The following TRPM3 variants were observed in gnomAD, a reference collection of about 807,000 sequenced individuals.
The protein encoded by TRPM3 is long transient receptor potential channel 3.
TRPM3 carries 77 observed loss-of-function variants against 181.2 expected under a neutral mutation model. The ratio of observed to expected loss-of-function variants is 0.42; its 90% CI spans 0.35 to 0.51. The LOEUF (loss-of-function observed/expected upper bound fraction) is 0.51, where lower values mean the gene tolerates loss of function less well. Ranked by LOEUF, TRPM3 falls within the 20% of genes least tolerant of loss-of-function variation. The pLI, the probability that TRPM3 is intolerant of heterozygous loss-of-function variation, is 0.01. For missense variants in TRPM3, 1,759 were observed against 2,196.7 expected, an observed-to-expected ratio of 0.80 and a Z score of 3.98; for synonymous variants, 745 against 796.4, an observed-to-expected ratio of 0.94 and a Z score of 1.09.
chr9:70,815,802 CAGTT>C (rs959652322), intron 6 of TRPM3, among the ~76,000 whole-genome samples: 2 of 152,066 alleles, frequency 1.3e-5, no homozygotes, highest in Non-Finnish European at 2.9e-5. Context: ...GGTTTTTTAA[CAGTT>C]AGTTTATTTT....
intron 9 of TRPM3, among the ~76,000 whole-genome samples, chr9:70,657,412 T>C (rs1319486364): frequency 2.6e-5 from 4 of 152,054 alleles, no homozygotes; most frequent in Non-Finnish European, 4.4e-5. Context: ...TGTTTTTCCT[T>C]GGGTTCTGTT....
rs536367848 is a variant in TRPM3, at chr9:70,789,149, A to G, written c.974-4870T>C. Among the ~76,000 whole-genome samples, 8 of 152,306 alleles carry G rather than the reference A, an allele frequency of 5.3e-5. No homozygotes were observed. In the South Asian group the frequency reaches 8.3e-4, roughly 16 times the overall value. Reference sequence around the variant, plus strand: ...TTAAAAAACTCTAGCAAGATTCACAATCTTACAAATTAGAATCTGCAGGAT... The same window carrying G: ...TTAAAAAACTCTAGCAAGATTCACAGTCTTACAAATTAGAATCTGCAGGAT... On this transcript the variant is annotated intron_variant, in intron 6 of 25. Coordinates refer to ENST00000677713, the MANE Select transcript of TRPM3 (RefSeq NM_001366145.2).
chr9:70,851,830 A>T (rs1447057358), intron 3 of TRPM3, among the ~76,000 whole-genome samples: 1 of 151,992 alleles, frequency 6.6e-6, no homozygotes, highest in African/African-American at 2.4e-5. Flanking sequence ...AAGAAAAAAA[A>T]ATTCCGGCCA....
chr9:71,221,631 T>C (rs1380523329), intron 1 of TRPM3, among the ~76,000 whole-genome samples: 1 of 152,152 alleles, frequency 6.6e-6, no homozygotes. Flanking sequence ...ATTGCTGGCA[T>C]ATTGCATGGG....
At chr9:71,139,426 G>A (rs2074966359) in intron 1 of TRPM3, among the ~76,000 whole-genome samples, 1 of 152,086 alleles carries the variant, frequency 6.6e-6, no homozygotes, top group Admixed American at 6.6e-5. Flanking sequence ...AAAAACCACT[G>A]TTTACATTTC....
At position 71,423,342 on chromosome 9, in the gene TRPM3, T is replaced by C. The variant is rs2093810420; in HGVS notation, c.183+23311A>G. On this transcript the variant is annotated intron_variant, in intron 1 of 24. Transcript: ENST00000357533. ...AAAAACCAATCAAAATTTGCAATTTTTGTTTTCAAGTTTCATCTTCTTTGC... is the reference window on the plus strand; with the variant it reads ...AAAAACCAATCAAAATTTGCAATTTCTGTTTTCAAGTTTCATCTTCTTTGC... 2.0e-5 allele frequency among the ~76,000 whole-genome samples: 3 copies of C among 152,146 alleles called. No homozygotes were observed. In the South Asian group the frequency reaches 6.2e-4, roughly 31 times the overall value.
chr9:71,133,652 T>C (rs2134476263), intron 1 of TRPM3, among the ~76,000 whole-genome samples: 1 of 152,326 alleles, frequency 6.6e-6, no homozygotes, highest in South Asian at 2.1e-4. Context: ...GAGTTCTTTT[T>C]ATATTAAGGA....
chr9:71,306,788 C>T (rs2087375698), intron 1 of TRPM3, among the ~76,000 whole-genome samples: 1 of 152,124 alleles, frequency 6.6e-6, no homozygotes, highest in South Asian at 2.1e-4. Flanking sequence ...GCAGGAGAAT[C>T]GCTTGAACCT....
chr9:71,308,151 G>A (rs148106116), intron 1 of TRPM3, among the ~76,000 whole-genome samples: 69 of 151,590 alleles, frequency 4.6e-4, no homozygotes, highest in African/African-American at 1.6e-3. Flanking sequence ...TGTATTTTTG[G>A]TGGTGAGCCA....
At chr9:71,227,013 G>A (rs1334852702) in intron 1 of TRPM3, among the ~76,000 whole-genome samples, 1 of 150,402 alleles carries the variant, frequency 6.6e-6, no homozygotes, top group Non-Finnish European at 1.5e-5. Flanking sequence ...GGACACTGAG[G>A]CAGGAGAATT....
At chr9:71,103,635 T>C (rs1043313547) in intron 1 of TRPM3, among the ~76,000 whole-genome samples, 1 of 152,108 alleles carries the variant, frequency 6.6e-6, no homozygotes. Flanking sequence ...TATAACTGAT[T>C]AAAGAAGTAA....
chr9:70,552,519 A>G (rs1188861388), intron 24 of TRPM3, among the ~76,000 whole-genome samples: 1 of 152,156 alleles, frequency 6.6e-6, no homozygotes. Flanking sequence ...AATATCATTG[A>G]TGTATTTTGG....
chr9:71,276,848 A>G (rs368227213), intron 1 of TRPM3, among the ~76,000 whole-genome samples: 1 of 152,202 alleles, frequency 6.6e-6, no homozygotes, highest in Non-Finnish European at 1.5e-5. Context: ...TGCATGAAAT[A>G]TTTATAATTA....
intron 22 of TRPM3, among the ~76,000 whole-genome samples, chr9:70,575,902 C>T (rs2053807272): frequency 6.6e-6 from 1 of 152,200 alleles, no homozygotes; most frequent in South Asian, 2.1e-4. Flanking sequence ...TGTGGTTGGA[C>T]TAATGATGGC....
At chr9:70,877,975 A>C (rs1272040919) in intron 1 of TRPM3, among the ~76,000 whole-genome samples, 1 of 151,972 alleles carries the variant, frequency 6.6e-6, no homozygotes, top group Non-Finnish European at 1.5e-5. Context: ...TGTTTGAACA[A>C]TTATTTTTTT....
At chr9:71,131,514 A>G (rs1051826735) in intron 1 of TRPM3, among the ~76,000 whole-genome samples, 32 of 152,232 alleles carry the variant, frequency 2.1e-4, no homozygotes, top group Non-Finnish European at 4.1e-4. Context: ...TGGAAACTCA[A>G]TCAAAATTTG....
At chr9:70,930,116 CATCT>C (rs2096761057) in intron 1 of TRPM3, among the ~76,000 whole-genome samples, 1 of 152,032 alleles carries the variant, frequency 6.6e-6, no homozygotes, top group Admixed American at 6.6e-5. Context: ...TTTTTACATC[CATCT>C]GTTTGGGGGT....
intron 1 of TRPM3, among the ~76,000 whole-genome samples, chr9:71,226,744 T>A (rs1378498534): frequency 2.0e-5 from 3 of 151,982 alleles, no homozygotes; most frequent in African/African-American, 7.2e-5. Flanking sequence ...AGAGCAAATA[T>A]TATTAGAGCT....
intron 1 of TRPM3, among the ~76,000 whole-genome samples, chr9:71,324,889 A>G (rs945327820): frequency 6.6e-6 from 1 of 152,168 alleles, no homozygotes; most frequent in East Asian, 1.9e-4. Context: ...AAGCTAAAAA[A>G]TTTGAATACA....
Sources: allele counts gnomAD v4.1 joint callset (sites outside exome capture counted in the v4.1 genomes callset), GRCh38; gene constraint gnomAD v4.1.1; transcripts MANE v1.5; gene names NCBI Gene and HGNC (gene_info 2026-07-23, HGNC 2026-07-21).